SPEN: variants seen among roughly 807,000 people sequenced by gnomAD.
The protein encoded by SPEN is spen family transcriptional repressor.
A neutral mutation model predicts 269.9 loss-of-function variants in SPEN; 18 were observed. The observed-to-expected ratio is 0.07, with a 90% CI of 0.05 to 0.10. The LOEUF (loss-of-function observed/expected upper bound fraction) is 0.10, where lower values mean the gene tolerates loss of function less well. SPEN is among the 10% of genes least tolerant of loss of function. The pLI is 1.00. For missense variants in SPEN, 3,822 were observed against 4,631.2 expected, an observed-to-expected ratio of 0.83 and a Z score of 5.07; for synonymous variants, 1,726 against 1,765.7, an observed-to-expected ratio of 0.98 and a Z score of 0.56.
rs2070716413 is a variant in SPEN at position 15,884,325 on chromosome 1, A to G, written c.881+7647A>G. Among the ~76,000 whole-genome samples the G allele has an allele frequency of 2.0e-5, 3 of 152,216 alleles. No individual in the cohort carries two copies. In the South Asian group the frequency reaches 6.2e-4, roughly 31 times the overall value. ...TTCCTAGAGGGGGAATTTTACTCACATATCCTTTTGTCTTTTCTTGAGGAG... is the reference window on the plus strand; with the variant it reads ...TTCCTAGAGGGGGAATTTTACTCACGTATCCTTTTGTCTTTTCTTGAGGAG... On this transcript the variant is annotated intron_variant, in intron 3 of 14. Coordinates refer to ENST00000375759, the MANE Select transcript of SPEN (RefSeq NM_015001.3).
intron 3 of SPEN, among the ~76,000 whole-genome samples, chr1:15,897,020 C>T (rs1226343775): frequency 6.6e-6 from 1 of 152,144 alleles, no homozygotes; most frequent in Non-Finnish European, 1.5e-5. Context: ...CTTTCCACCT[C>T]CAGCTTTGTC....
At chr1:15,883,116 A>G (rs2070703218) in intron 3 of SPEN, among the ~76,000 whole-genome samples, 1 of 152,236 alleles carries the variant, frequency 6.6e-6, no homozygotes, top group Admixed American at 6.5e-5. Flanking sequence ...ATTTTTAAAA[A>G]ATGTATTTCT....
Position 15,899,101 on chromosome 1 carries a change from T to C in SPEN, c.882-10220T>C, listed in dbSNP as rs1002514212. On this transcript the variant is annotated intron_variant, in intron 3 of 14. Coordinates refer to ENST00000375759, the MANE Select transcript of SPEN (RefSeq NM_015001.3). ...GTTAGCGTTTGGGGAACCCCATGGC[T>C]GTACCATTTTACTTTCCCGTCAGTA... Among the ~76,000 whole-genome samples, 4 of 152,184 alleles carry C rather than the reference T, an allele frequency of 2.6e-5. No homozygotes were observed. The South Asian group carries it at 6.2e-4, about 24-fold the overall frequency.
intron 10 of SPEN, 46 bp downstream of exon 10, chr1:15,922,395 T>C (rs768874766): frequency 7.5e-7 from 1 of 1,332,356 alleles, no homozygotes; most frequent in South Asian, 1.3e-5. Flanking sequence ...TTAATAGTTT[T>C]AATACAGAAA....
chr1:15,873,444 G>A (rs1409656919), intron 2 of SPEN: 1 of 1,078,382 alleles, frequency 9.3e-7, no homozygotes, highest in Non-Finnish European at 1.1e-6. Context: ...ATAATGTTAA[G>A]TCCTTCCTTG....
At chr1:15,862,073 G>T (rs1302842072) in intron 1 of SPEN, among the ~76,000 whole-genome samples, 1 of 151,942 alleles carries the variant, frequency 6.6e-6, no homozygotes, top group Non-Finnish European at 1.5e-5. Context: ...CAAAAATTGC[G>T]GGAGTTAGCC....
chr1:15,886,866 G>A (rs1439370912), intron 3 of SPEN, among the ~76,000 whole-genome samples: 2 of 152,124 alleles, frequency 1.3e-5, no homozygotes, highest in African/African-American at 4.8e-5. Context: ...TACCAATTAG[G>A]TTGTACTGAG....
intron 3 of SPEN, among the ~76,000 whole-genome samples, chr1:15,895,670 T>C (rs1007980326): frequency 6.6e-6 from 1 of 150,942 alleles, no homozygotes; most frequent in African/African-American, 2.4e-5. Flanking sequence ...TAATTACTTA[T>C]ACTTAACCTT....
At position 15,937,292 on chromosome 1, in the gene SPEN, C is replaced by G; in HGVS notation, c.10156C>G (p.Pro3386Ala). The G allele has an allele frequency of 6.2e-7, 1 of 1,613,946 alleles. No homozygotes were observed. Among genetic ancestry groups the G allele is most frequent in the Non-Finnish European group, 8.5e-7 (1 of 1,180,014 alleles). The change falls in exon 12 of 15, where the codon CCT becomes GCT. Residue 3386 changes from proline to alanine, a missense_variant. This residue lies in a region of SPEN where 359 missense variants were observed against 377.3 expected (regional missense o/e 0.95). Coordinates refer to ENST00000375759, the MANE Select transcript of SPEN (RefSeq NM_015001.3). This position sits in a 1 kb window ranked among gnomAD's most constrained non-coding sequence, Gnocchi z 5.7. ...QPGQPPSSKM[P>A]QVSQEAKGTQ... ...CGGCCAGCCACCAAGCAGCAAGATG[C>G]CTCAAGTGTCCCAGGAGGCAAAGGG...
intron 1 of SPEN, among the ~76,000 whole-genome samples, chr1:15,869,187 G>T (rs1016049462): frequency 2.6e-5 from 4 of 152,032 alleles, no homozygotes; most frequent in Admixed American, 6.6e-5. Flanking sequence ...CTCCTGAGTG[G>T]CTGGGACTGC....
Position 15,934,571 on chromosome 1 carries a change from G to T in SPEN, c.8331G>T (p.Ala2777=). ...CGTCAACAAAGTGCAAACAGAGAGC[G>T]AGTGCTAATGAAAACAGTCGGTTCC... ...IAPSTKCKQR[A]SANENSRFHP... Residue 2777 remains alanine (A), a synonymous_variant, in exon 11 of 15, where the codon GCG becomes GCT. Coordinates refer to ENST00000375759, the MANE Select transcript of SPEN (RefSeq NM_015001.3). The surrounding 1 kb of genome is among the most constrained non-coding windows in gnomAD (Gnocchi z 9.2). 6.2e-7 allele frequency: 1 copy of T among 1,614,098 alleles called. No homozygotes were observed. Among genetic ancestry groups the T allele is most frequent in the East Asian group, 2.2e-5 (1 of 44,874 alleles).
rs1226914538 is a variant in SPEN at position 15,929,611 on chromosome 1, C to T, written c.3371C>T (p.Pro1124Leu). The T allele has an allele frequency of 1.9e-6, 3 of 1,614,074 alleles. No individual in the cohort carries two copies. The highest frequency in any genetic ancestry group is 2.5e-6 in the Non-Finnish European group (3 of 1,180,008). ...KQLQVLDDQGPEREDVRKNYC... is the reference protein window; with the variant it reads ...KQLQVLDDQGLEREDVRKNYC... ...CTGCAGGTATTAGATGATCAAGGAC[C>T]AGAGAGAGAAGACGTTAGGAAAAAC... The change falls in exon 11 of 15, where the codon CCA becomes CTA. Residue 1124 changes from proline (P) to leucine (L), a missense_variant. Transcript: ENST00000375759. The surrounding 1 kb of genome is among the most constrained non-coding windows in gnomAD (Gnocchi z 5.8).
At position 15,928,069 on chromosome 1, in the gene SPEN, T is replaced by A; in HGVS notation, c.1851-22T>A. ...AGTGATGAGGAAACAAAAGAACTAA[T>A]ATCTTTGTTATTTTTTGGCAGAGAG... On this transcript the variant is annotated intron_variant, in intron 10 of 14. Transcript: ENST00000375759. This position sits in a 1 kb window ranked among gnomAD's most constrained non-coding sequence, Gnocchi z 5.7. The A allele has an allele frequency of 6.4e-7, 1 of 1,565,142 alleles. No homozygotes were observed. Among genetic ancestry groups the A allele is most frequent in the Non-Finnish European group, 8.7e-7 (1 of 1,151,910 alleles).
intron 3 of SPEN, among the ~76,000 whole-genome samples, chr1:15,897,637 CAGGCGTGGGCCACCA>C (rs2070855587): frequency 6.6e-6 from 1 of 152,108 alleles, no homozygotes; most frequent in Admixed American, 6.6e-5. Context: ...GCTGGGATTA[CAGGCGTGGGCCACCA>C]CGCCTGGCCT....
At chr1:15,908,187 T>C (rs1405787266) in intron 3 of SPEN, among the ~76,000 whole-genome samples, 1 of 152,168 alleles carries the variant, frequency 6.6e-6, no homozygotes, top group South Asian at 2.1e-4. Context: ...CTACTACTAC[T>C]AACAGTAACT....
intron 1 of SPEN, among the ~76,000 whole-genome samples, chr1:15,857,688 T>TG (rs1281320964): frequency 2.3e-5 from 1 of 42,598 alleles, no homozygotes; most frequent in Non-Finnish European, 7.3e-5. Context: ...ATAAAAAAAT[T>TG]GTTTTTTTTC....
intron 3 of SPEN, among the ~76,000 whole-genome samples, chr1:15,904,451 T>TCAAAAAAA (rs2070934524): frequency 6.3e-5 from 1 of 15,886 alleles, no homozygotes; most frequent in Non-Finnish European, 9.5e-5. Flanking sequence ...AAACTCCATC[T>TCAAAAAAA]CAAAAAAAAA....
Position 15,936,024 on chromosome 1 carries a change from G to A in SPEN, c.9784G>A (p.Ala3262Thr). ...VPVPLPAPAP[A>T]PHGEARILTV... ...TGTCCCCCTTCCTGCCCCTGCTCCT[G>A]CCCCTCATGGTGAGGCCCGTATCCT... is the stretch of plus-strand genomic sequence containing the variant. Residue 3262 changes from alanine to threonine, a missense_variant, in exon 11 of 15, where the codon GCC (alanine) becomes ACC (threonine). Around this residue, in one of 16 missense-constraint regions of SPEN, gnomAD observed 359 missense variants for 377.3 expected, o/e 0.95. Transcript: ENST00000375759. The A allele has an allele frequency of 6.4e-7, 1 of 1,561,804 alleles. No homozygotes were observed. Among genetic ancestry groups the A allele is most frequent in the African/African-American group, 1.5e-5 (1 of 64,744 alleles).
intron 3 of SPEN, among the ~76,000 whole-genome samples, chr1:15,895,948 T>C (rs2070838080): frequency 6.6e-6 from 1 of 151,962 alleles, no homozygotes; most frequent in African/African-American, 2.4e-5. Flanking sequence ...CCTCCCAAAG[T>C]GCTGGGATTA....
Sources: gnomAD v4.1 joint callset for allele counts (sites outside exome capture counted in the v4.1 genomes callset) on GRCh38, gnomAD v4.1.1 for gene constraint, gnomAD v4.1.1 regional missense constraint, Gnocchi (gnomAD v3.1) non-coding constraint, MANE v1.5 for transcripts, NCBI Gene and HGNC (gene_info 2026-07-23, HGNC 2026-07-21) for gene names.